Variants in KAZN observed in about 807,000 individuals in gnomAD.
KAZN encodes kazrin, periplakin interacting protein.
A neutral mutation model predicts 87.4 loss-of-function variants in KAZN; 40 were observed. The ratio of observed to expected loss-of-function variants is 0.46; its 90% CI spans 0.36 to 0.60. The LOEUF is 0.60. KAZN is among the 20% of genes least tolerant of loss of function. The pLI is 0.00. For synonymous variants in KAZN, 466 were observed against 458.3 expected, an observed-to-expected ratio of 1.02 and a Z score of -0.22; for missense variants, 898 against 1,073.9, an observed-to-expected ratio of 0.84 and a Z score of 2.29.
intron 2 of KAZN, among the ~76,000 whole-genome samples, chr1:14,211,539 T>A (rs1646853668): frequency 6.6e-6 from 1 of 152,124 alleles, no homozygotes; most frequent in Non-Finnish European, 1.5e-5. Context: ...TTTTTTAATT[T>A]GTAATTTTTA....
chr1:14,424,611 C>T (rs2101339409), intron 2 of KAZN, among the ~76,000 whole-genome samples: 1 of 152,294 alleles, frequency 6.6e-6, no homozygotes, highest in East Asian at 1.9e-4. Context: ...GCCCCACACA[C>T]CATCGTCCTA....
At chr1:14,414,226 T>A (rs1664554943) in intron 2 of KAZN, among the ~76,000 whole-genome samples, 1 of 151,952 alleles carries the variant, frequency 6.6e-6, no homozygotes, top group Admixed American at 6.6e-5. Context: ...ACACTAGAGA[T>A]GTTCATGTTC....
At chr1:14,491,409 C>A (rs1199696947) in intron 2 of KAZN, among the ~76,000 whole-genome samples, 1 of 152,052 alleles carries the variant, frequency 6.6e-6, no homozygotes, top group Non-Finnish European at 1.5e-5. Flanking sequence ...CCCATCAATC[C>A]GTCGTCTACA....
intron 1 of KAZN, among the ~76,000 whole-genome samples, chr1:14,006,274 T>C (rs961886260): frequency 6.6e-6 from 1 of 152,192 alleles, no homozygotes; most frequent in African/African-American, 2.4e-5. Flanking sequence ...AAAATATATT[T>C]ATTTGGCTCA....
chr1:15,053,303 G>T (rs1286576098), intron 4 of KAZN, among the ~76,000 whole-genome samples: 1 of 152,164 alleles, frequency 6.6e-6, no homozygotes, highest in East Asian at 1.9e-4. Flanking sequence ...AGGAAGTGTG[G>T]GTCTCCGTGA....
intron 1 of KAZN, among the ~76,000 whole-genome samples, chr1:14,134,600 G>C (rs1025852236): frequency 6.6e-6 from 1 of 152,158 alleles, no homozygotes; most frequent in African/African-American, 2.4e-5. Flanking sequence ...GGTAGCAGTA[G>C]AAATCTGTGT....
At chr1:14,251,992 T>C (rs1650089962) in intron 2 of KAZN, among the ~76,000 whole-genome samples, 1 of 151,998 alleles carries the variant, frequency 6.6e-6, no homozygotes, top group Non-Finnish European at 1.5e-5. Flanking sequence ...AATTTCTAGA[T>C]TCTCCAAATG....
At chr1:14,736,548 T>G (rs1453596661) in intron 1 of KAZN, among the ~76,000 whole-genome samples, 1 of 146,586 alleles carries the variant, frequency 6.8e-6, no homozygotes, top group African/African-American at 2.5e-5. Context: ...TCACCTCAGG[T>G]GATCCACCTG....
rs1644979516 is a variant in KAZN, at chr1:14,769,964, A to G, written c.226+170741A>G. Among the ~76,000 whole-genome samples, 1 of 152,152 alleles carries G rather than the reference A, an allele frequency of 6.6e-6. No individual in the cohort carries two copies. The highest frequency in any genetic ancestry group is 1.5e-5 in the Non-Finnish European group (1 of 68,020). On this transcript the variant is annotated intron_variant, in intron 1 of 14. Coordinates refer to ENST00000376030, the MANE Select transcript of KAZN (RefSeq NM_201628.3). The surrounding 1 kb of genome is among the most constrained non-coding windows in gnomAD (Gnocchi z 4.1). ...TCTGAGCAGGTGATGGGTAAACTGA[A>G]CCCTGGAGGTTGAGCAGGGATAAAG...
chr1:14,265,633 A>C (rs969775520), intron 2 of KAZN, among the ~76,000 whole-genome samples: 1 of 152,206 alleles, frequency 6.6e-6, no homozygotes, highest in African/African-American at 2.4e-5. Flanking sequence ...CCTGCCAAGG[A>C]ATCAGAAATC....
chr1:14,563,874 C>CTTTTTTTTTTTTTTT (rs540880203), intron 2 of KAZN, among the ~76,000 whole-genome samples: 6,072 of 97,120 alleles, frequency 0.063, 1,259 homozygotes, highest in African/African-American at 0.082. Flanking sequence ...GTTCAAACTC[C>CTTTTTTTTTTTTTTT]TTTTTTTTTT....
intron 1 of KAZN, among the ~76,000 whole-genome samples, chr1:14,750,534 C>A (rs1024184122): frequency 6.6e-6 from 1 of 151,402 alleles, no homozygotes; most frequent in Non-Finnish European, 1.5e-5. Context: ...ATCTGGGATG[C>A]TCATTAGCTT....
chr1:14,559,582 G>C (rs765271317), intron 2 of KAZN, among the ~76,000 whole-genome samples: 1 of 152,132 alleles, frequency 6.6e-6, no homozygotes, highest in Non-Finnish European at 1.5e-5. Context: ...GCCAGTAGAC[G>C]AAGAAGAAGA....
At chr1:14,492,486 C>G (rs1669701656) in intron 2 of KAZN, among the ~76,000 whole-genome samples, 1 of 151,398 alleles carries the variant, frequency 6.6e-6, no homozygotes, top group Non-Finnish European at 1.5e-5. Context: ...CGAGACTTCC[C>G]TTATGAAGCT....
At chr1:14,451,742 A>C (rs2148332396) in intron 2 of KAZN, among the ~76,000 whole-genome samples, 1 of 152,268 alleles carries the variant, frequency 6.6e-6, no homozygotes, top group Admixed American at 6.5e-5. Flanking sequence ...TTCCAGTTCA[A>C]GTCCAAAGAC....
intron 1 of KAZN, among the ~76,000 whole-genome samples, chr1:14,138,656 G>A (rs10928029): frequency 0.34 from 51,150 of 151,848 alleles, 9,297 homozygotes; most frequent in East Asian, 0.63. Context: ...AGGCAATGGC[G>A]TACATCGCAG....
intron 1 of KAZN, among the ~76,000 whole-genome samples, chr1:14,059,262 T>C (rs1642695305): frequency 6.6e-6 from 1 of 152,156 alleles, no homozygotes; most frequent in African/African-American, 2.4e-5. Flanking sequence ...TGGTAGTGGC[T>C]CAGTCTGAGT....
chr1:13,903,491 G>A, intron 1 of KAZN, among the ~76,000 whole-genome samples: 1 of 152,172 alleles, frequency 6.6e-6, no homozygotes, highest in Admixed American at 6.5e-5. Context: ...GACCCCAAAG[G>A]GAAGGAGAGC....
At chr1:14,666,580 G>A (rs2148726718) in intron 1 of KAZN, among the ~76,000 whole-genome samples, 1 of 152,258 alleles carries the variant, frequency 6.6e-6, no homozygotes, top group South Asian at 2.1e-4. Flanking sequence ...AGATCCAGGT[G>A]TCCACAAGGA....
Sources: gnomAD v4.1 joint callset for allele counts (sites outside exome capture counted in the v4.1 genomes callset) on GRCh38, gnomAD v4.1.1 for gene constraint, Gnocchi (gnomAD v3.1) non-coding constraint, MANE v1.5 for transcripts, NCBI Gene and HGNC (gene_info 2026-07-23, HGNC 2026-07-21) for gene names.